Variants in CARD14 observed in about 807,000 individuals in gnomAD.
CARD14 encodes caspase recruitment domain-containing protein 14.
CARD14 carries 107 observed loss-of-function variants against 111.5 expected under a neutral mutation model. The observed-to-expected ratio is 0.96, with a 90% CI of 0.82 to 1.13. The LOEUF is 1.13. Among genes scored for constraint, CARD14 ranks in the 50% most tolerant of loss-of-function variants. The pLI, the probability that CARD14 is intolerant of heterozygous loss-of-function variation, is 0.00. For missense variants in CARD14, 1,322 were observed against 1,362.3 expected (o/e 0.97, Z 0.47); for synonymous variants, 617 against 579.6 (o/e 1.06, Z -0.93).
At chr17:80,190,706 G>C in intron 9 of CARD14, 68 bp from the exon 10 acceptor site, 1 of 1,545,248 alleles carries the variant, frequency 6.5e-7, no homozygotes, top group Non-Finnish European at 8.8e-7. Context: ...TGGGTTCCCC[G>C]ACCCCCTTCT....
rs1233942787 is a variant in CARD14, at chr17:80,195,937, C to T, written c.1594+285C>T. ...ATCCACGCCCTGCTCAGCACCCAGC[C>T]CCCTGCTCTGATCTGTAACGCTTGG... On this transcript the variant is annotated intron_variant, in intron 14 of 23. Coordinates refer to ENST00000648509, the MANE Select transcript of CARD14 (RefSeq NM_001366385.1). This position sits in a 1 kb window ranked among gnomAD's most constrained non-coding sequence, Gnocchi z 4.7. 5.0e-6 allele frequency: 2 copies of T among 401,256 alleles called. No individual in the cohort carries two copies. Among genetic ancestry groups the T allele is most frequent in the Non-Finnish European group, 9.1e-6 (2 of 220,504 alleles). The allele number at this position is 401,256 out of a possible 1,614,324, so 24.9% of individuals were successfully genotyped here.
intron 4 of CARD14, 118 bp from the exon 5 acceptor site, chr17:80,181,301 C>T: frequency 1.4e-6 from 1 of 735,590 alleles, no homozygotes; most frequent in Non-Finnish European, 2.2e-6. Flanking sequence ...TGGGTTCTGA[C>T]TGGCAAAGAG....
At chr17:80,185,686 C>T (rs1209384877) in intron 7 of CARD14, among the ~76,000 whole-genome samples, 1 of 152,216 alleles carries the variant, frequency 6.6e-6, no homozygotes, top group Admixed American at 6.5e-5. Flanking sequence ...CAGGGTCGGG[C>T]CCTGTGTTCT....
At chr17:80,200,705 A>G (rs2040927535) in intron 16 of CARD14, 1 of 152,500 alleles carries the variant, frequency 6.6e-6, no homozygotes, top group South Asian at 2.1e-4. Context: ...TTATTATTAC[A>G]CTGTAATATG....
chr17:80,193,651 C>G (rs2040606657), intron 12 of CARD14, among the ~76,000 whole-genome samples: 2 of 152,170 alleles, frequency 1.3e-5, no homozygotes, highest in African/African-American at 2.4e-5. Flanking sequence ...CCTGGTGTTT[C>G]CTTCCTGGAC....
intron 7 of CARD14, among the ~76,000 whole-genome samples, chr17:80,185,260 C>T (rs962573890): frequency 1.3e-5 from 2 of 152,016 alleles, no homozygotes; most frequent in Non-Finnish European, 2.9e-5. Flanking sequence ...TTATGTTGCC[C>T]AGGCTGGTCT....
intron 1 of CARD14, among the ~76,000 whole-genome samples, chr17:80,171,155 T>C: frequency 4.3e-5 from 5 of 115,272 alleles, no homozygotes; most frequent in African/African-American, 1.1e-4. Context: ...CCCATTCACC[T>C]TCCCCTTCCC....
chr17:80,173,937 C>T (rs961032268), intron 2 of CARD14, among the ~76,000 whole-genome samples: 17 of 151,996 alleles, frequency 1.1e-4, no homozygotes, highest in Admixed American at 2.0e-4. Flanking sequence ...AATGGAATGC[C>T]AAATGTAGTA....
Position 80,207,010 on chromosome 17 carries a change from GCA to G in CARD14, c.2734_2735del (p.Thr912ProfsTer61), listed in dbSNP as rs2041356196. 1 of 1,613,740 alleles carries G rather than the reference GCA, an allele frequency of 6.2e-7. No homozygotes were observed. The highest frequency in any genetic ancestry group is 8.5e-7 in the Non-Finnish European group (1 of 1,179,882). On this transcript the variant is annotated frameshift_variant, in exon 23 of 24. Coordinates refer to ENST00000648509, the MANE Select transcript of CARD14 (RefSeq NM_001366385.1). LOFTEE classifies it high-confidence loss of function. ...CTGGACGTCCAGCTGGACAGTGTCT[GCA>G]CCCTGCACAGGATGGACATCTTCCC...
rs2041471497 is a variant in CARD14, at chr17:80,208,369, T to G, written c.*24T>G. ...GATGCACCGTGCCCCTTCCCGGGACTGTGGGGGCTTCTGTGTGCCTGTTAA... is the reference window on the plus strand; with the variant it reads ...GATGCACCGTGCCCCTTCCCGGGACGGTGGGGGCTTCTGTGTGCCTGTTAA... On this transcript the variant is annotated 3_prime_UTR_variant, in exon 24 of 24. Transcript: ENST00000648509. 3.9e-6 allele frequency: 6 copies of G among 1,547,614 alleles called. No individual in the cohort carries two copies. Among genetic ancestry groups the G allele is most frequent in the Non-Finnish European group, 5.3e-6 (6 of 1,139,824 alleles).
rs1433212488 is a variant in CARD14 at position 80,198,325 on chromosome 17, A to C, written c.1659-74A>C. The C allele has an allele frequency of 4.5e-6, 7 of 1,562,456 alleles. No individual in the cohort carries two copies. The African/African-American group carries it at 9.4e-5, about 21-fold the overall frequency. On this transcript the variant is annotated intron_variant, in intron 15 of 23. Transcript: ENST00000648509. The surrounding 1 kb of genome is among the most constrained non-coding windows in gnomAD (Gnocchi z 7.5). ...ATTCCAGAACACTGGGGCCAGAGGGAAGCAATGGGGAGGTGGCCTTGCCGG... is the reference window on the plus strand; with the variant it reads ...ATTCCAGAACACTGGGGCCAGAGGGCAGCAATGGGGAGGTGGCCTTGCCGG...
In CARD14 at chr17:80,182,261, C is replaced by T. The variant is rs917394964; in HGVS notation, c.212-392C>T. ...CCGGGGTGCCACTCTGCTTTCTGTG[C>T]GCAGCTCCAAAGCTGACAGCACCGT... On this transcript the variant is annotated intron_variant, in intron 5 of 23. Coordinates refer to ENST00000648509, the MANE Select transcript of CARD14 (RefSeq NM_001366385.1). This position sits in a 1 kb window ranked among gnomAD's most constrained non-coding sequence, Gnocchi z 4.7. Among the ~76,000 whole-genome samples the T allele has an allele frequency of 1.3e-5, 2 of 152,290 alleles. No individual in the cohort carries two copies. The highest frequency in any genetic ancestry group is 3.4e-3 in the Middle Eastern group (1 of 294).
chr17:80,201,637 C>A lies in CARD14; in HGVS notation c.1852-107C>A. ...CCAAGGCGTGCAGGCAGTGGTCCTA[C>A]GGCAGGGCTGGCCCGCGCCTCGCCT... is the stretch of plus-strand genomic sequence containing the variant. On this transcript the variant is annotated intron_variant, in intron 16 of 23. Transcript: ENST00000648509. This position sits in a 1 kb window ranked among gnomAD's most constrained non-coding sequence, Gnocchi z 5.0. The A allele has an allele frequency of 1.7e-6, 2 of 1,194,170 alleles. No individual in the cohort carries two copies. Among genetic ancestry groups the A allele is most frequent in the Non-Finnish European group, 2.5e-6 (2 of 807,952 alleles). The allele number at this position is 1,194,170 out of a possible 1,614,324, so 74.0% of individuals were successfully genotyped here. A position where few individuals can be genotyped will look rare whatever the true frequency, so the allele number is the denominator to read the frequency against.
Position 80,188,063 on chromosome 17 carries a change from C to G in CARD14, c.676-314C>G. ...GGAGCATGCTGGCCATCACTGCCGG[C>G]TGCTCAGCTGTAGAGATCCAGGAGT... On this transcript the variant is annotated intron_variant, in intron 7 of 23. Coordinates refer to ENST00000648509, the MANE Select transcript of CARD14 (RefSeq NM_001366385.1). The surrounding 1 kb of genome is among the most constrained non-coding windows in gnomAD (Gnocchi z 4.5). 1.4e-6 allele frequency: 1 copy of G among 732,456 alleles called. No homozygotes were observed. Among genetic ancestry groups the G allele is most frequent in the Non-Finnish European group, 1.7e-6 (1 of 586,704 alleles). 45.4% of individuals were successfully genotyped at this position (732,456 alleles called of 1,614,324 possible).
Position 80,208,014 on chromosome 17 carries a change from G to A in CARD14, c.2808-124G>A, listed in dbSNP as rs2041435766. The A allele has an allele frequency of 4.7e-6, 3 of 635,494 alleles. No individual in the cohort carries two copies. The East Asian group carries it at 8.7e-5, about 18-fold the overall frequency. 39.4% of individuals were successfully genotyped at this position (635,494 alleles called of 1,614,324 possible). ...GCCTGGGGCCTATTTTCTTTACAAG[G>A]TCCCCTCAAAGCGAGGCCACCTGTG... On this transcript the variant is annotated intron_variant, in intron 23 of 23. Transcript: ENST00000648509.
chr17:80,199,724 CAAA>C (rs553403089), intron 16 of CARD14, among the ~76,000 whole-genome samples: 15 of 116,684 alleles, frequency 1.3e-4, no homozygotes, highest in African/African-American at 3.3e-4. Flanking sequence ...ACTAAAAATA[CAAA>C]AAAAAAAAAA....
In CARD14 at chr17:80,201,361, A is replaced by G; in HGVS notation, c.1852-383A>G. The G allele has an allele frequency of 4.9e-6, 1 of 205,134 alleles. No homozygotes were observed. Among genetic ancestry groups the G allele is most frequent in the Non-Finnish European group, 1.0e-5 (1 of 99,606 alleles). 12.7% of individuals were successfully genotyped at this position (205,134 alleles called of 1,614,324 possible). A position where few individuals can be genotyped will look rare whatever the true frequency, so the allele number is the denominator to read the frequency against. The stretch of plus-strand genomic sequence containing the variant: ...CTCAGCATCCTGTAGGGCCCGGTAT[A>G]GCCCGCAGCAGCACAGAATGATCCC... On this transcript the variant is annotated intron_variant, in intron 16 of 23. Coordinates refer to ENST00000648509, the MANE Select transcript of CARD14 (RefSeq NM_001366385.1). The surrounding 1 kb of genome is among the most constrained non-coding windows in gnomAD (Gnocchi z 5.0).
At position 80,191,390 on chromosome 17, in the gene CARD14, G is replaced by A. The variant is rs535721220; in HGVS notation, c.1157G>A (p.Arg386His). 26 of 1,613,910 alleles carry A rather than the reference G, an allele frequency of 1.6e-5. No individual in the cohort carries two copies. The highest frequency in any genetic ancestry group is 2.1e-5 in the Non-Finnish European group (25 of 1,180,022). The change falls in exon 11 of 24, where the codon CGC (arginine) becomes CAC (histidine). Residue 386 changes from arginine (R) to histidine (H), a missense_variant. Coordinates refer to ENST00000648509, the MANE Select transcript of CARD14 (RefSeq NM_001366385.1). ...SQSLVEKDSL[R>H]RQVFELTDQV... is the part of the protein sequence containing the mutation. Reference sequence around the variant, plus strand: ...AGCCTGGTGGAGAAGGACTCCCTCCGCAGGCAGGTGTTCGAGCTGACGGAC... The same window carrying A: ...AGCCTGGTGGAGAAGGACTCCCTCCACAGGCAGGTGTTCGAGCTGACGGAC...
chr17:80,177,140 C>T (rs977952450), intron 2 of CARD14, among the ~76,000 whole-genome samples: 30 of 152,344 alleles, frequency 2.0e-4, no homozygotes, highest in African/African-American at 7.0e-4. Context: ...GCCACCGACC[C>T]TTGGCGTGTC....
Sources: allele counts gnomAD v4.1 joint callset (sites outside exome capture counted in the v4.1 genomes callset), GRCh38; gene constraint gnomAD v4.1.1; non-coding constraint Gnocchi (gnomAD v3.1); transcripts MANE v1.5; gene names NCBI Gene and HGNC (gene_info 2026-07-23, HGNC 2026-07-21).